The following GRIK4 variants were observed in gnomAD, a reference collection of about 807,000 sequenced individuals.
GRIK4 encodes glutamate ionotropic receptor kainate type subunit 4.
Under a neutral mutation model 104.9 loss-of-function variants are expected in GRIK4, and 40 were observed. That is an observed-to-expected ratio of 0.38 (90% CI 0.30 to 0.50). GRIK4 has a LOEUF of 0.50. Among genes scored for constraint, GRIK4 ranks in the 20% least tolerant of loss-of-function variants. The probability of loss-of-function intolerance (pLI) is 0.93; values close to 1 mark genes in which losing one functional copy is unlikely to be tolerated. For synonymous variants in GRIK4, 485 were observed against 524.9 expected (o/e 0.92, Z 1.04); for missense variants, 1,047 against 1,308.1 (o/e 0.80, Z 3.08).
intron 1 of GRIK4, among the ~76,000 whole-genome samples, chr11:120,650,988 G>A (rs1027667693): frequency 6.6e-6 from 1 of 152,178 alleles, no homozygotes; most frequent in Non-Finnish European, 1.5e-5. Context: ...CCAAGGTCAC[G>A]CAGCCCTCTA....
At position 120,962,120 on chromosome 11, in the gene GRIK4, C is replaced by A. The variant is rs560035105; in HGVS notation, c.2041-336C>A. On this transcript the variant is annotated intron_variant, in intron 17 of 20. Transcript: ENST00000527524. ...TTGAGGGACAATGAAGGTACCCAGC[C>A]AGAATTTCAGTTCTACCGGAAAATG... Among the ~76,000 whole-genome samples the A allele has an allele frequency of 9.5e-4, 144 of 152,300 alleles. 2 individuals carry two copies. In the South Asian group the frequency reaches 0.017, roughly 18 times the overall value.
rs556961505 is a variant in GRIK4, at chr11:120,702,461, C to A, written c.82+42061C>A. 5.9e-5 allele frequency among the ~76,000 whole-genome samples: 9 copies of A among 152,226 alleles called. No homozygotes were observed. In the East Asian group the frequency reaches 1.7e-3, roughly 29 times the overall value. On this transcript the variant is annotated intron_variant, in intron 3 of 20. Coordinates refer to ENST00000527524, the MANE Select transcript of GRIK4 (RefSeq NM_014619.5). Reference sequence around the variant, plus strand: ...TCAAGTGACAGAATTCTACTGGAAACGTAAATTTGGGAGTAATCAATATAC... The same window carrying A: ...TCAAGTGACAGAATTCTACTGGAAAAGTAAATTTGGGAGTAATCAATATAC...
At chr11:120,890,967 G>A (rs1307159253) in intron 11 of GRIK4, among the ~76,000 whole-genome samples, 2 of 152,216 alleles carry the variant, frequency 1.3e-5, no homozygotes, top group African/African-American at 4.8e-5. Context: ...AATATGAAAT[G>A]TTATAGTGCT....
chr11:120,512,246 C>G (rs1947670694), intron 1 of GRIK4, among the ~76,000 whole-genome samples: 1 of 151,910 alleles, frequency 6.6e-6, no homozygotes, highest in Admixed American at 6.5e-5. Context: ...TCCCCCTCCC[C>G]GTGCAACTCC....
At chr11:120,978,166 G>A (rs1374498870) in intron 19 of GRIK4, among the ~76,000 whole-genome samples, 1 of 152,176 alleles carries the variant, frequency 6.6e-6, no homozygotes, top group African/African-American at 2.4e-5. Context: ...CCATGACCGT[G>A]AGGTTATAGA....
chr11:120,766,404 T>A (rs1951840909), intron 3 of GRIK4, among the ~76,000 whole-genome samples: 1 of 152,174 alleles, frequency 6.6e-6, no homozygotes, highest in South Asian at 2.1e-4. Flanking sequence ...GAGGGTGGGA[T>A]CCACTGAGCA....
intron 3 of GRIK4, among the ~76,000 whole-genome samples, chr11:120,674,324 T>C (rs1315579825): frequency 6.6e-6 from 1 of 152,226 alleles, no homozygotes; most frequent in Non-Finnish European, 1.5e-5. Flanking sequence ...GAGCCCCTTG[T>C]TGAACCCATT....
intron 19 of GRIK4, among the ~76,000 whole-genome samples, chr11:120,969,854 G>A (rs1407619767): frequency 6.6e-6 from 1 of 152,090 alleles, no homozygotes; most frequent in Admixed American, 6.5e-5. Flanking sequence ...GAAATGTCTA[G>A]GTATCTTTCT....
intron 1 of GRIK4, among the ~76,000 whole-genome samples, chr11:120,595,960 C>T (rs1948796492): frequency 6.6e-6 from 1 of 152,262 alleles, no homozygotes; most frequent in African/African-American, 2.4e-5. Flanking sequence ...GATTCTTGTG[C>T]CTCACCCTCC....
chr11:120,526,100 G>C (rs1482947258), intron 1 of GRIK4, among the ~76,000 whole-genome samples: 1 of 152,184 alleles, frequency 6.6e-6, no homozygotes, highest in Non-Finnish European at 1.5e-5. Context: ...AGCCTTGGCA[G>C]GGGGCCTGAG....
At chr11:120,923,404 ATTTTTTTTTTTTT>A (rs775194642) in intron 13 of GRIK4, among the ~76,000 whole-genome samples, 1 of 81,646 alleles carries the variant, frequency 1.2e-5, no homozygotes, top group Non-Finnish European at 2.2e-5. Context: ...CCATTTGCTC[ATTTTTTTTTTTTT>A]TTTTTTTTTT....
chr11:120,884,650 T>G (rs1955067542), intron 11 of GRIK4, among the ~76,000 whole-genome samples: 1 of 152,228 alleles, frequency 6.6e-6, no homozygotes, highest in Non-Finnish European at 1.5e-5. Flanking sequence ...TGGTTTTGTG[T>G]GAAGCTGAGG....
intron 3 of GRIK4, among the ~76,000 whole-genome samples, chr11:120,709,934 C>A (rs1306507939): frequency 6.6e-6 from 1 of 152,218 alleles, no homozygotes; most frequent in African/African-American, 2.4e-5. Context: ...ACATCACTGT[C>A]TGCATCATTG....
At chr11:120,683,469 A>G (rs979231976) in intron 3 of GRIK4, among the ~76,000 whole-genome samples, 4 of 152,264 alleles carry the variant, frequency 2.6e-5, no homozygotes, top group Admixed American at 6.5e-5. Flanking sequence ...ACATCCAAGT[A>G]TAGATGTCAG....
At chr11:120,862,614 C>A (rs887603821) in intron 9 of GRIK4, among the ~76,000 whole-genome samples, 2 of 152,134 alleles carry the variant, frequency 1.3e-5, no homozygotes, top group Non-Finnish European at 2.9e-5. Context: ...GCTCTGTCCA[C>A]CCCCTGGCCA....
At chr11:120,796,722 G>C (rs930022047) in intron 3 of GRIK4, among the ~76,000 whole-genome samples, 1 of 152,096 alleles carries the variant, frequency 6.6e-6, no homozygotes, top group African/African-American at 2.4e-5. Context: ...TGCTATGACC[G>C]TGGAAGCCAG....
chr11:120,764,557 G>C (rs749330372), intron 3 of GRIK4, among the ~76,000 whole-genome samples: 1 of 151,504 alleles, frequency 6.6e-6, no homozygotes, highest in Non-Finnish European at 1.5e-5. Context: ...TTTACATTTT[G>C]GTTTGTTTTT....
intron 1 of GRIK4, among the ~76,000 whole-genome samples, chr11:120,648,162 A>G (rs4935748): frequency 0.72 from 109,341 of 151,886 alleles, 39,634 homozygotes; most frequent in African/African-American, 0.82. Context: ...ACTATAGACC[A>G]GAGGGGGCTG....
intron 3 of GRIK4, among the ~76,000 whole-genome samples, chr11:120,787,285 C>T (rs1339661527): frequency 5.3e-5 from 8 of 151,966 alleles, no homozygotes; most frequent in African/African-American, 1.5e-4. Flanking sequence ...GCCAAGATCG[C>T]ACCACTGCAC....
Sources: allele counts gnomAD v4.1 joint callset (sites outside exome capture counted in the v4.1 genomes callset), GRCh38; gene constraint gnomAD v4.1.1; transcripts MANE v1.5; gene names NCBI Gene and HGNC (gene_info 2026-07-23, HGNC 2026-07-21).